Variants in ASAP1 observed in about 807,000 individuals in gnomAD.
ASAP1 encodes the protein ArfGAP with SH3 domain, ankyrin repeat and PH domain 1.
Under a neutral mutation model 145.2 loss-of-function variants are expected in ASAP1, and 43 were observed. The observed-to-expected ratio is 0.30, with a 90% CI of 0.23 to 0.38. The LOEUF (loss-of-function observed/expected upper bound fraction) is 0.38, where lower values mean the gene tolerates loss of function less well. Ranked by LOEUF, ASAP1 falls within the 10% of genes least tolerant of loss-of-function variation. The pLI, the probability that ASAP1 is intolerant of heterozygous loss-of-function variation, is 1.00. For synonymous variants in ASAP1, 546 were observed against 515.5 expected (o/e 1.06, Z -0.80); for missense variants, 1,018 against 1,355.3 (o/e 0.75, Z 3.91).
intron 3 of ASAP1, among the ~76,000 whole-genome samples, chr8:130,309,949 T>C (rs1823231377): frequency 6.6e-6 from 1 of 152,176 alleles, no homozygotes; most frequent in African/African-American, 2.4e-5. Context: ...AACACTATGG[T>C]AATTTCAGTA....
Position 130,072,825 on chromosome 8 carries a change from G to GCGCGCGCACGCGCGCGCA in ASAP1, c.2701+3522_2701+3523insTGCGCGCGCGTGCGCGCG, listed in dbSNP as rs1554816409. 5.5e-4 allele frequency among the ~76,000 whole-genome samples: 30 copies of GCGCGCGCACGCGCGCGCA among 54,116 alleles called. 2 individuals carry two copies. Among genetic ancestry groups the GCGCGCGCACGCGCGCGCA allele is most frequent in the African/African-American group, 2.5e-3 (28 of 11,006 alleles). The allele number at this position is 54,116 out of a possible 152,430, so 35.5% of individuals were successfully genotyped here. A position where few individuals can be genotyped will look rare whatever the true frequency, so the allele number is the denominator to read the frequency against. Reference sequence around the variant, plus strand: ...TGTGTGTGTGTGTGTGTGTGTGTGTGCGCGCGGGGGGGGGCAGTTTTGGGG... The same window carrying GCGCGCGCACGCGCGCGCA: ...TGTGTGTGTGTGTGTGTGTGTGTGTGCGCGCGCACGCGCGCGCACGCGCGGGGGGGGGCAGTTTTGGGG... On this transcript the variant is annotated intron_variant, in intron 27 of 29. Transcript: ENST00000518721.
chr8:130,178,643 A>C (rs1243097145), intron 9 of ASAP1, among the ~76,000 whole-genome samples: 1 of 151,988 alleles, frequency 6.6e-6, no homozygotes, highest in Non-Finnish European at 1.5e-5. Context: ...TGGTGCAATA[A>C]TAGGCCAAGG....
At chr8:130,441,807 T>C (rs931624372) in intron 1 of ASAP1, among the ~76,000 whole-genome samples, 1 of 152,122 alleles carries the variant, frequency 6.6e-6, no homozygotes, top group South Asian at 2.1e-4. Context: ...CATTATCACA[T>C]ACTAAAAATG....
intron 3 of ASAP1, among the ~76,000 whole-genome samples, chr8:130,256,204 T>C (rs1819504155): frequency 6.6e-6 from 1 of 152,332 alleles, no homozygotes; most frequent in East Asian, 1.9e-4. Flanking sequence ...CAAGAGTTGA[T>C]GAAGTTTTCT....
At chr8:130,387,305 G>A (rs1484093832) in intron 2 of ASAP1, among the ~76,000 whole-genome samples, 2 of 152,174 alleles carry the variant, frequency 1.3e-5, no homozygotes, top group Non-Finnish European at 2.9e-5. Context: ...GGAGGCCGAG[G>A]TGGGCAGATC....
intron 2 of ASAP1, among the ~76,000 whole-genome samples, chr8:130,379,645 A>T (rs1359326715): frequency 1.3e-5 from 2 of 152,200 alleles, no homozygotes; most frequent in Admixed American, 1.3e-4. Flanking sequence ...GTATAGAGAA[A>T]ACCCCAAACA....
intron 3 of ASAP1, among the ~76,000 whole-genome samples, chr8:130,323,465 A>G (rs966000287): frequency 7.9e-5 from 12 of 152,240 alleles, no homozygotes; most frequent in African/African-American, 1.4e-4. Context: ...TCAGACAAAT[A>G]TAAGTAATTT....
chr8:130,054,655 C>T lies in ASAP1; in HGVS notation c.*76G>A. ...CTTACTCTGTAACAGCAGCTATATA[C>T]ACACTGTGCCCAGGGTTACATGAAG... is the stretch of plus-strand genomic sequence containing the variant. On this transcript the variant is annotated 3_prime_UTR_variant, in exon 30 of 30. Transcript: ENST00000518721. 1 of 1,293,588 alleles carries T rather than the reference C, an allele frequency of 7.7e-7. No individual in the cohort carries two copies. Among genetic ancestry groups the T allele is most frequent in the Non-Finnish European group, 1.1e-6 (1 of 891,018 alleles). The allele number at this position is 1,293,588 out of a possible 1,614,324, so 80.1% of individuals were successfully genotyped here.
intron 9 of ASAP1, among the ~76,000 whole-genome samples, chr8:130,178,892 GAA>G (rs199580611): frequency 1.5e-5 from 2 of 137,044 alleles, no homozygotes; most frequent in Non-Finnish European, 1.6e-5. Flanking sequence ...CGTCTCAAAG[GAA>G]AAAAAAAAAA....
At chr8:130,415,118 T>A (rs1385703721) in intron 1 of ASAP1, among the ~76,000 whole-genome samples, 3 of 152,218 alleles carry the variant, frequency 2.0e-5, no homozygotes, top group Admixed American at 1.3e-4. Flanking sequence ...TATCTGTTGA[T>A]GAATACATTA....
intron 1 of ASAP1, among the ~76,000 whole-genome samples, chr8:130,412,981 T>C (rs1465366529): frequency 2.0e-5 from 3 of 152,240 alleles, no homozygotes; most frequent in East Asian, 1.9e-4. Context: ...ATATATTGCA[T>C]AGTTATTATG....
intron 3 of ASAP1, among the ~76,000 whole-genome samples, chr8:130,317,343 G>C (rs893756083): frequency 6.6e-6 from 1 of 152,184 alleles, no homozygotes; most frequent in African/African-American, 2.4e-5. Context: ...TTGGGCAAGA[G>C]AGAATGACCC....
intron 9 of ASAP1, 143 bp downstream of exon 9, chr8:130,179,121 C>A: frequency 1.9e-6 from 1 of 530,478 alleles, no homozygotes; most frequent in Non-Finnish European, 3.4e-6. Flanking sequence ...GACACTATTT[C>A]TTATCCATTT....
At position 130,443,606 on chromosome 8, in the gene ASAP1, C is replaced by G. The variant is rs1255769690; in HGVS notation, c.-174G>C. 3 of 151,148 alleles carry G rather than the reference C, an allele frequency of 2.0e-5. No homozygotes were observed. The highest frequency in any genetic ancestry group is 4.4e-5 in the Non-Finnish European group (3 of 67,758). The allele number at this position is 151,148 out of a possible 1,614,324, so 9.4% of individuals were successfully genotyped here. On this transcript the variant is annotated 5_prime_UTR_variant, in exon 1 of 30. Transcript: ENST00000518721. ...GGCTGCCCAGCGCACAGTGCTCGCC[C>G]GCGGCAGCGGCCAGGCCAGGCGAGG...
chr8:130,395,253 C>G (rs1828473048), intron 2 of ASAP1, among the ~76,000 whole-genome samples: 1 of 152,206 alleles, frequency 6.6e-6, no homozygotes, highest in African/African-American at 2.4e-5. Context: ...CCACCATGCA[C>G]CAGGTACTGT....
Position 130,336,374 on chromosome 8 carries a change from T to G in ASAP1, c.186+21643A>C, listed in dbSNP as rs549865300. Among the ~76,000 whole-genome samples, 9 of 152,298 alleles carry G rather than the reference T, an allele frequency of 5.9e-5. No individual in the cohort carries two copies. The South Asian group carries it at 1.9e-3, about 32-fold the overall frequency. On this transcript the variant is annotated intron_variant, in intron 3 of 29. Transcript: ENST00000518721. ...GCATCACCTGAGAATTGAAAAGAAA[T>G]GCAGATTATTGGGTCCTACCCCAAA...
Position 130,249,829 on chromosome 8 carries a change from C to A in ASAP1, c.187-12835G>T, listed in dbSNP as rs149395432. ...TGTGCCCAGTGTACAGAAACTGGAACCTACCATCTAAATTTGACTGCCCCT... is the reference window on the plus strand; with the variant it reads ...TGTGCCCAGTGTACAGAAACTGGAAACTACCATCTAAATTTGACTGCCCCT... On this transcript the variant is annotated intron_variant, in intron 3 of 29. Coordinates refer to ENST00000518721, the MANE Select transcript of ASAP1 (RefSeq NM_018482.4). Among the ~76,000 whole-genome samples, 104 of 152,162 alleles carry A rather than the reference C, an allele frequency of 6.8e-4. 2 individuals carry two copies. In the East Asian group the frequency reaches 0.02, roughly 29 times the overall value.
chr8:130,267,460 A>T (rs890228288), intron 3 of ASAP1, among the ~76,000 whole-genome samples: 1 of 152,170 alleles, frequency 6.6e-6, no homozygotes, highest in Non-Finnish European at 1.5e-5. Context: ...CAAAAACCCA[A>T]TGAGATGGGA....
At chr8:130,395,132 G>C (rs1828468030) in intron 2 of ASAP1, among the ~76,000 whole-genome samples, 1 of 152,144 alleles carries the variant, frequency 6.6e-6, no homozygotes, top group South Asian at 2.1e-4. Context: ...CACTTCCCTG[G>C]CAAGAAATCT....
Sources: gnomAD v4.1 joint callset for allele counts (sites outside exome capture counted in the v4.1 genomes callset) on GRCh38, gnomAD v4.1.1 for gene constraint, MANE v1.5 for transcripts, NCBI Gene and HGNC (gene_info 2026-07-23, HGNC 2026-07-21) for gene names.